Variants in PTPRD observed in about 807,000 individuals in gnomAD.
The protein encoded by PTPRD is protein tyrosine phosphatase receptor type D, also known as receptor-type tyrosine-protein phosphatase delta.
PTPRD carries 34 observed loss-of-function variants against 214.5 expected under a neutral mutation model. The observed-to-expected ratio is 0.16, with a 90% CI of 0.12 to 0.21. The LOEUF is 0.21. Among genes scored for constraint, PTPRD ranks in the 10% least tolerant of loss-of-function variants. The pLI, the probability that PTPRD is intolerant of heterozygous loss-of-function variation, is 1.00. For synonymous variants in PTPRD, 1,128 were observed against 845.7 expected, an observed-to-expected ratio of 1.33 and a Z score of -5.79; for missense variants, 2,545 against 2,398.7, an observed-to-expected ratio of 1.06 and a Z score of -1.27.
At chr9:10,552,730 A>C (rs1284399247) in intron 2 of PTPRD, among the ~76,000 whole-genome samples, 1 of 152,144 alleles carries the variant, frequency 6.6e-6, no homozygotes, top group Non-Finnish European at 1.5e-5. Flanking sequence ...TCTTCTAGAG[A>C]AAAGAGAAAG....
In PTPRD at chr9:8,343,575, C is replaced by G. The variant is rs1324302322; in HGVS notation, c.4662-1597G>C. On this transcript the variant is annotated intron_variant, in intron 39 of 45. Coordinates refer to ENST00000381196, the MANE Select transcript of PTPRD (RefSeq NM_002839.4). ...AAACCTGTTAGATGGCGAGTTTTCC[C>G]TGACATTCCCCATTCCTACCCTCCC... 3.3e-5 allele frequency among the ~76,000 whole-genome samples: 5 copies of G among 151,966 alleles called. No individual in the cohort carries two copies. The East Asian group carries it at 9.7e-4, about 29-fold the overall frequency.
intron 3 of PTPRD, among the ~76,000 whole-genome samples, chr9:10,294,579 C>A (rs2095622112): frequency 1.3e-5 from 2 of 151,866 alleles, no homozygotes; most frequent in African/African-American, 4.8e-5. Context: ...TTTATGCATA[C>A]ATTTCTCTGG....
intron 2 of PTPRD, among the ~76,000 whole-genome samples, chr9:10,400,090 T>A (rs2098244394): frequency 6.6e-6 from 1 of 151,842 alleles, no homozygotes; most frequent in Non-Finnish European, 1.5e-5. Flanking sequence ...ATATAGTGGT[T>A]AAGCATGTGT....
chr9:8,863,053 A>G (rs180905758), intron 11 of PTPRD, among the ~76,000 whole-genome samples: 82 of 151,746 alleles, frequency 5.4e-4, no homozygotes, highest in Admixed American at 2.6e-3. Context: ...GTACCCTAAA[A>G]CTTAAAGTAT....
intron 7 of PTPRD, among the ~76,000 whole-genome samples, chr9:9,681,544 C>T (rs1190015320): frequency 6.6e-6 from 1 of 151,676 alleles, no homozygotes; most frequent in Non-Finnish European, 1.5e-5. Context: ...AGTATGACCC[C>T]ACCTATCAGG....
At chr9:9,617,102 T>C (rs2094919848) in intron 7 of PTPRD, among the ~76,000 whole-genome samples, 1 of 152,200 alleles carries the variant, frequency 6.6e-6, no homozygotes, top group East Asian at 1.9e-4. Flanking sequence ...TGTTATGTGA[T>C]GCTGAGCTTA....
At chr9:10,031,449 C>T (rs1165960231) in intron 4 of PTPRD, among the ~76,000 whole-genome samples, 2 of 151,396 alleles carry the variant, frequency 1.3e-5, no homozygotes, top group African/African-American at 4.9e-5. Context: ...AAAGGCGAGA[C>T]TGTCCCAGCC....
chr9:9,144,830 C>G (rs560962918), intron 10 of PTPRD, among the ~76,000 whole-genome samples: 27 of 152,030 alleles, frequency 1.8e-4, no homozygotes, highest in South Asian at 1.5e-3. Flanking sequence ...TCTTTAATGG[C>G]AATTTGGCAT....
rs1325089782 is a variant in PTPRD, at chr9:10,027,910, C to T, written c.-472+5808G>A. On this transcript the variant is annotated intron_variant, in intron 4 of 45. Transcript: ENST00000381196. Reference sequence around the variant, plus strand: ...TGTTTTTCCTAATGGATTTTGTTTCCACTGATGAATTTTAAACATGGCTTA... The same window carrying T: ...TGTTTTTCCTAATGGATTTTGTTTCTACTGATGAATTTTAAACATGGCTTA... 3.3e-5 allele frequency among the ~76,000 whole-genome samples: 5 copies of T among 151,986 alleles called. No individual in the cohort carries two copies. In the East Asian group the frequency reaches 9.7e-4, roughly 29 times the overall value.
chr9:9,448,384 A>C (rs1443575165), intron 8 of PTPRD, among the ~76,000 whole-genome samples: 2 of 151,910 alleles, frequency 1.3e-5, no homozygotes, highest in Non-Finnish European at 2.9e-5. Flanking sequence ...GCTGTTTTCA[A>C]GATAGTGAGT....
intron 2 of PTPRD, among the ~76,000 whole-genome samples, chr9:10,419,473 G>C (rs552957444): frequency 6.6e-6 from 1 of 151,740 alleles, no homozygotes; most frequent in East Asian, 1.9e-4. Context: ...AAGTTAAAAA[G>C]ACTGAGATAA....
intron 7 of PTPRD, among the ~76,000 whole-genome samples, chr9:9,619,173 C>G (rs923695903): frequency 6.6e-6 from 1 of 152,124 alleles, no homozygotes; most frequent in Non-Finnish European, 1.5e-5. Flanking sequence ...GAAAACAACT[C>G]TTTCAAGACA....
At chr9:9,127,545 C>T (rs538657781) in intron 10 of PTPRD, among the ~76,000 whole-genome samples, 11 of 152,206 alleles carry the variant, frequency 7.2e-5, no homozygotes, top group African/African-American at 2.6e-4. Flanking sequence ...TTGACTTGAG[C>T]AATCAATGAT....
chr9:8,393,016 C>A (rs910429911), intron 36 of PTPRD, among the ~76,000 whole-genome samples: 14 of 152,174 alleles, frequency 9.2e-5, no homozygotes, highest in African/African-American at 3.4e-4. Context: ...TCAACCAACA[C>A]TGTGAAAATA....
Position 9,165,955 on chromosome 9 carries a change from C to G in PTPRD, c.-143+17349G>C, listed in dbSNP as rs535375727. On this transcript the variant is annotated intron_variant, in intron 10 of 45. Coordinates refer to ENST00000381196, the MANE Select transcript of PTPRD (RefSeq NM_002839.4). ...CAGCCTTTTCCCCTTAAGTGTATCA[C>G]CCTTTTAATTTTTTTCTCAGTGACT... Among the ~76,000 whole-genome samples, 3 of 151,748 alleles carry G rather than the reference C, an allele frequency of 2.0e-5. No homozygotes were observed. In the South Asian group the frequency reaches 6.2e-4, roughly 32 times the overall value.
chr9:10,394,441 C>T (rs2098131126), intron 2 of PTPRD, among the ~76,000 whole-genome samples: 1 of 151,566 alleles, frequency 6.6e-6, no homozygotes, highest in Admixed American at 6.6e-5. Context: ...AAAGGACAAA[C>T]ACTATCACTT....
intron 3 of PTPRD, among the ~76,000 whole-genome samples, chr9:10,111,428 C>A (rs1378320865): frequency 6.6e-6 from 1 of 150,900 alleles, no homozygotes; most frequent in African/African-American, 2.4e-5. Context: ...TTAGTAGAGA[C>A]GGGGTTTCAC....
chr9:10,478,747 T>C (rs1322515963), intron 2 of PTPRD, among the ~76,000 whole-genome samples: 1 of 151,348 alleles, frequency 6.6e-6, no homozygotes, highest in Non-Finnish European at 1.5e-5. Context: ...TATATAAATA[T>C]ATATATATTC....
At chr9:8,536,373 T>A (rs2076929736) in intron 14 of PTPRD, among the ~76,000 whole-genome samples, 1 of 151,916 alleles carries the variant, frequency 6.6e-6, no homozygotes, top group Admixed American at 6.6e-5. Context: ...TAAAAATAGA[T>A]CTACATTTTA....
Sources: gnomAD v4.1 joint callset for allele counts (sites outside exome capture counted in the v4.1 genomes callset) on GRCh38, gnomAD v4.1.1 for gene constraint, MANE v1.5 for transcripts, NCBI Gene and HGNC (gene_info 2026-07-23, HGNC 2026-07-21) for gene names.